The following MEGF10 variants were observed in gnomAD, a reference collection of about 807,000 sequenced individuals.
The protein encoded by MEGF10 is multiple EGF like domains 10.
MEGF10 carries 86 observed loss-of-function variants against 147.5 expected under a neutral mutation model. The ratio of observed to expected loss-of-function variants is 0.58; its 90% CI spans 0.49 to 0.70. MEGF10 has a LOEUF of 0.70. Among genes scored for constraint, MEGF10 ranks in the 30% least tolerant of loss-of-function variants. MEGF10 has a pLI of 0.00. For synonymous variants in MEGF10, 478 were observed against 525.5 expected (o/e 0.91, Z 1.24); for missense variants, 1,329 against 1,487.3 (o/e 0.89, Z 1.75).
At chr5:127,392,678 C>T (rs556414221) in intron 5 of MEGF10, among the ~76,000 whole-genome samples, 21 of 152,262 alleles carry the variant, frequency 1.4e-4, no homozygotes, top group Admixed American at 3.3e-4. Flanking sequence ...GTACCCAGCC[C>T]GTGAATGTAA....
intron 2 of MEGF10, among the ~76,000 whole-genome samples, chr5:127,337,052 T>C (rs1761497819): frequency 6.6e-6 from 1 of 152,116 alleles, no homozygotes; most frequent in Non-Finnish European, 1.5e-5. Context: ...ATTGAGTTTA[T>C]TCGGGCGCAA....
intron 1 of MEGF10, among the ~76,000 whole-genome samples, chr5:127,325,123 A>C (rs1182136269): frequency 6.6e-6 from 1 of 152,160 alleles, no homozygotes; most frequent in Non-Finnish European, 1.5e-5. Context: ...GGTGCCACTC[A>C]GTGATTTCTA....
At chr5:127,391,330 C>G (rs548611348) in intron 5 of MEGF10, among the ~76,000 whole-genome samples, 6 of 152,104 alleles carry the variant, frequency 3.9e-5, no homozygotes, top group African/African-American at 1.2e-4. Context: ...AATACCAGCA[C>G]TTTGGGATGC....
intron 15 of MEGF10, 125 bp downstream of exon 15, chr5:127,434,946 CTG>C: frequency 7.7e-7 from 1 of 1,301,442 alleles, no homozygotes; most frequent in Non-Finnish European, 1.0e-6. Context: ...ATGTCTTCTG[CTG>C]TGCTGTGTCT....
At chr5:127,322,690 C>G (rs1467598913) in intron 1 of MEGF10, among the ~76,000 whole-genome samples, 1 of 152,078 alleles carries the variant, frequency 6.6e-6, no homozygotes, top group African/African-American at 2.4e-5. Flanking sequence ...TGAAAAGTGT[C>G]CATGTGAAAA....
chr5:127,344,959 C>G (rs1761827712), intron 4 of MEGF10, among the ~76,000 whole-genome samples: 1 of 152,172 alleles, frequency 6.6e-6, no homozygotes, highest in Non-Finnish European at 1.5e-5. Flanking sequence ...GGTGCTCCTG[C>G]CTTCTCTGTA....
the MEGF10 span, among the ~76,000 whole-genome samples, chr5:127,264,158 A>G: frequency 6.6e-6 from 1 of 152,170 alleles, no homozygotes; most frequent in Non-Finnish European, 1.5e-5. Flanking sequence ...CTTTTTAATG[A>G]ACTACAGAAA....
intron 4 of MEGF10, among the ~76,000 whole-genome samples, chr5:127,352,129 G>C (rs188722037): frequency 3.9e-5 from 6 of 152,082 alleles, no homozygotes; most frequent in Admixed American, 3.3e-4. Flanking sequence ...GGGTAAAATG[G>C]ATATTGGGAG....
chr5:127,270,475 A>G, the MEGF10 span, among the ~76,000 whole-genome samples: 1 of 152,240 alleles, frequency 6.6e-6, no homozygotes, highest in African/African-American at 2.4e-5. Context: ...AAAGATCAAA[A>G]GAGACAAAGA....
At chr5:127,235,686 T>C in the MEGF10 span, among the ~76,000 whole-genome samples, 2 of 152,232 alleles carry the variant, frequency 1.3e-5, no homozygotes, top group East Asian at 3.8e-4. Flanking sequence ...GTACTGACAA[T>C]TGATTTTGGT....
intron 1 of MEGF10, among the ~76,000 whole-genome samples, chr5:127,328,302 T>C (rs777649919): frequency 3.3e-5 from 5 of 152,208 alleles, no homozygotes; most frequent in Non-Finnish European, 7.3e-5. Flanking sequence ...CAGTTAATTT[T>C]CTAATTTTAA....
intron 20 of MEGF10, among the ~76,000 whole-genome samples, chr5:127,446,894 G>A (rs1765957685): frequency 6.6e-6 from 1 of 152,210 alleles, no homozygotes; most frequent in Admixed American, 6.5e-5. Flanking sequence ...AAGATAAAAA[G>A]CTGGGTTTTC....
intron 17 of MEGF10, 40 bp downstream of exon 17, chr5:127,438,607 T>C (rs373427778): frequency 1.5e-5 from 24 of 1,606,790 alleles, no homozygotes; most frequent in Middle Eastern, 1.7e-4. Context: ...AGGGGAGCCT[T>C]GTCCAAGGAG....
chr5:127,253,856 C>G, the MEGF10 span, among the ~76,000 whole-genome samples: 2 of 151,962 alleles, frequency 1.3e-5, no homozygotes, highest in African/African-American at 4.8e-5. Flanking sequence ...TGTCAGTTCT[C>G]CTTAAATTAT....
At chr5:127,236,386 T>C in the MEGF10 span, among the ~76,000 whole-genome samples, 93 of 152,346 alleles carry the variant, frequency 6.1e-4, no homozygotes, top group African/African-American at 2.2e-3. Context: ...CTGAAGACAG[T>C]ATGTAAACAA....
At chr5:127,316,913 T>C (rs960555536) in intron 1 of MEGF10, among the ~76,000 whole-genome samples, 1 of 152,170 alleles carries the variant, frequency 6.6e-6, no homozygotes, top group East Asian at 1.9e-4. Context: ...AAAGTGACAG[T>C]TGATCCTTAA....
chr5:127,275,957 T>A, the MEGF10 span, among the ~76,000 whole-genome samples: 2 of 152,228 alleles, frequency 1.3e-5, no homozygotes, highest in African/African-American at 4.8e-5. Flanking sequence ...TATGACATCA[T>A]CTAATCTAGC....
At chr5:127,390,328 C>T (rs1345204800) in intron 5 of MEGF10, among the ~76,000 whole-genome samples, 1 of 151,774 alleles carries the variant, frequency 6.6e-6, no homozygotes, top group Non-Finnish European at 1.5e-5. Flanking sequence ...CCCACTCTGT[C>T]ATCCAGGTTG....
At chr5:127,240,945 T>A in the MEGF10 span, among the ~76,000 whole-genome samples, 1 of 152,248 alleles carries the variant, frequency 6.6e-6, no homozygotes, top group Non-Finnish European at 1.5e-5. Flanking sequence ...AGATGTCTTC[T>A]GCTTAATAAG....
Sources: gnomAD v4.1 joint callset for allele counts (sites outside exome capture counted in the v4.1 genomes callset) on GRCh38, gnomAD v4.1.1 for gene constraint, MANE v1.5 for transcripts, NCBI Gene and HGNC (gene_info 2026-07-23, HGNC 2026-07-21) for gene names.